Variants in FTCD observed in about 807,000 individuals in gnomAD.
FTCD encodes formimidoyltransferase cyclodeaminase.
In FTCD, 76 loss-of-function variants were observed where a neutral mutation model predicts 62.9. The ratio of observed to expected loss-of-function variants is 1.21; its 90% CI spans 1.00 to 1.46. The LOEUF (loss-of-function observed/expected upper bound fraction) is 1.46. Among genes scored for constraint, FTCD ranks in the 40% most tolerant of loss-of-function variants. The pLI is 0.00. For missense variants in FTCD, 845 were observed against 751.3 expected (o/e 1.12, Z -1.46); for synonymous variants, 397 against 336.9 (o/e 1.18, Z -1.95).
chr21:46,142,626 A>G (rs1438842177), intron 10 of FTCD: 2 of 152,270 alleles, frequency 1.3e-5, no homozygotes, highest in Non-Finnish European at 2.9e-5. Flanking sequence ...CGAAGGCCCA[A>G]AGAGTAAGCA....
intron 12 of FTCD, among the ~76,000 whole-genome samples, chr21:46,138,187 G>C (rs973126199): frequency 6.6e-6 from 1 of 152,184 alleles, no homozygotes; most frequent in East Asian, 1.9e-4. Context: ...CATTGTGCCT[G>C]GGCTGACATA....
At chr21:46,142,090 A>G (rs1045631955) in intron 10 of FTCD, 1 of 152,054 alleles carries the variant, frequency 6.6e-6, no homozygotes, top group Non-Finnish European at 1.5e-5. Context: ...ATCTACTGTA[A>G]AAAGTAAATA....
At chr21:46,150,609 C>T in intron 5 of FTCD, 84 bp from the exon 6 acceptor site, 1 of 1,400,898 alleles carries the variant, frequency 7.1e-7, no homozygotes. Context: ...CTTGCATTCC[C>T]CAGCTGGACG....
chr21:46,138,219 G>C (rs1401539553), intron 12 of FTCD, among the ~76,000 whole-genome samples: 3 of 152,234 alleles, frequency 2.0e-5, no homozygotes, highest in Admixed American at 6.5e-5. Context: ...GAACAAGACA[G>C]TGGGGGTGAT....
At chr21:46,138,833 C>T in intron 11 of FTCD, 47 bp downstream of exon 11, 1 of 1,553,844 alleles carries the variant, frequency 6.4e-7, no homozygotes. Context: ...TGGCCACCAA[C>T]TCCCCAGACA....
rs565424367 is a variant in FTCD, at chr21:46,151,382, A to ACCT, written c.636+173_636+175dup. On this transcript the variant is annotated intron_variant, in intron 5 of 13. Transcript: ENST00000397746. ...GCTTCACTCCGCCCCTGACCTGCCGACCTGCGCGGTCCCCGCACGGTGTGG... is the reference window on the plus strand; with the variant it reads ...GCTTCACTCCGCCCCTGACCTGCCGACCTCCTGCGCGGTCCCCGCACGGTGTGG... Among the ~76,000 whole-genome samples, 90 of 152,268 alleles carry ACCT rather than the reference A, an allele frequency of 5.9e-4. 1 individual carries two copies. Among genetic ancestry groups the ACCT allele is most frequent in the African/African-American group, 2.1e-3 (87 of 41,550 alleles).
chr21:46,145,290 A>G (rs898908066), intron 10 of FTCD, 127 bp downstream of exon 10: 3 of 736,970 alleles, frequency 4.1e-6, no homozygotes, highest in African/African-American at 1.8e-5. Context: ...GCCAGTGGTG[A>G]CGCCCTCAGG....
At chr21:46,140,693 T>G (rs60819367) in intron 10 of FTCD, among the ~76,000 whole-genome samples, 1 of 111,156 alleles carries the variant, frequency 9.0e-6, no homozygotes. Flanking sequence ...TCACAGGGAG[T>G]GTAAACCAAT....
At chr21:46,137,420 A>G (rs2078895716) in intron 12 of FTCD, 86 bp from the exon 13 acceptor site, 1 of 1,058,896 alleles carries the variant, frequency 9.4e-7, no homozygotes, top group East Asian at 2.4e-5. Context: ...GCTCTGGGAC[A>G]GGCCGGACTT....
chr21:46,146,124 C>T (rs1455279620), intron 8 of FTCD, 142 bp downstream of exon 8: 2 of 759,338 alleles, frequency 2.6e-6, no homozygotes, highest in Non-Finnish European at 4.4e-6. Flanking sequence ...CAGACCCCGG[C>T]TTGGCGCAGG....
chr21:46,139,059 G>C (rs1277429637), intron 10 of FTCD, 136 bp from the exon 11 acceptor site: 5 of 747,666 alleles, frequency 6.7e-6, no homozygotes, highest in Admixed American at 3.9e-5. Context: ...GCTTCTGTTG[G>C]GCCAGTGGTT....
At chr21:46,148,154 T>TC (rs1216840085) in intron 7 of FTCD, among the ~76,000 whole-genome samples, 1 of 152,034 alleles carries the variant, frequency 6.6e-6, no homozygotes, top group Non-Finnish European at 1.5e-5. Context: ...CTTCAAGTAC[T>TC]CCCCACAACG....
At chr21:46,142,344 G>GTGTTA (rs2079031668) in intron 10 of FTCD, 1 of 136,636 alleles carries the variant, frequency 7.3e-6, no homozygotes, top group African/African-American at 2.9e-5. Flanking sequence ...TTCACAGTGA[G>GTGTTA]CCATAAGCTC....
At position 46,152,978 on chromosome 21, in the gene FTCD, A is replaced by T. The variant is rs374097903; in HGVS notation, c.296T>A (p.Val99Asp). The T allele has an allele frequency of 6.4e-7, 1 of 1,553,846 alleles. No individual in the cohort carries two copies. Among genetic ancestry groups the T allele is most frequent in the Admixed American group, 1.9e-5 (1 of 51,312 alleles). ...DVCPFIPVRGVSVDECVLCAQ... is the reference protein window; with the variant it reads ...DVCPFIPVRGDSVDECVLCAQ... ...GCAGAGCACACACTCATCCACGCTG[A>T]CGCCCCTCACGGGGATGAAGGGGCA... The change falls in exon 3 of 14, where the codon GTC becomes GAC. Residue 99 changes from valine to aspartate, a missense_variant. By Grantham distance (152) the Val-to-Asp change is radical. Transcript: ENST00000397746.
In FTCD at chr21:46,143,407, T is replaced by C. The variant is rs1292879206; in HGVS notation, c.1260+2010A>G. Among the ~76,000 whole-genome samples, 3 of 141,864 alleles carry C rather than the reference T, an allele frequency of 2.1e-5. No individual in the cohort carries two copies. The Admixed American group carries it at 2.3e-4, about 11-fold the overall frequency. 93.1% of individuals were successfully genotyped at this position (141,864 alleles called of 152,430 possible). A position where few individuals can be genotyped will look rare whatever the true frequency, so the allele number is the denominator to read the frequency against. On this transcript the variant is annotated intron_variant, in intron 10 of 13. Transcript: ENST00000397746. ...TCTTGTGGGCGGCAAGCCAGCCAGGTGCCCAGGCAAGAGACCGAGGGCACG... is the reference window on the plus strand; with the variant it reads ...TCTTGTGGGCGGCAAGCCAGCCAGGCGCCCAGGCAAGAGACCGAGGGCACG...
At chr21:46,145,745 C>G in intron 9 of FTCD, 73 bp downstream of exon 9, 1 of 387,044 alleles carries the variant, frequency 2.6e-6, no homozygotes, top group Non-Finnish European at 4.2e-6. Flanking sequence ...TGCCCTCCCC[C>G]CAACAGCGCC....
downstream of FTCD, chr21:46,136,671 C>A: frequency 6.8e-7 from 1 of 1,466,836 alleles, no homozygotes; most frequent in Non-Finnish European, 9.0e-7. Context: ...ACCCCATTCC[C>A]TCCAACCCTG....
chr21:46,139,914 G>T (rs2078957327), intron 10 of FTCD, among the ~76,000 whole-genome samples: 1 of 152,136 alleles, frequency 6.6e-6, no homozygotes, highest in African/African-American at 2.4e-5. Flanking sequence ...GGTCTCCCTG[G>T]GCAGATCTTG....
intron 10 of FTCD, 185 bp from the exon 11 acceptor site, chr21:46,139,108 A>G (rs2123484902): frequency 4.9e-5 from 24 of 489,086 alleles, no homozygotes; most frequent in South Asian, 4.2e-4. Context: ...GGAGCAGGGT[A>G]GGGGGGGTCG....
Sources: gnomAD v4.1 joint callset for allele counts (sites outside exome capture counted in the v4.1 genomes callset) on GRCh38, gnomAD v4.1.1 for gene constraint, MANE v1.5 for transcripts, NCBI Gene and HGNC (gene_info 2026-07-23, HGNC 2026-07-21) for gene names.